RBM33: variants seen among roughly 807,000 people sequenced by gnomAD.
RBM33 encodes RNA binding motif protein 33.
A neutral mutation model predicts 132.6 loss-of-function variants in RBM33; 28 were observed. The observed-to-expected ratio is 0.21, with a 90% confidence interval of 0.16 to 0.29. The LOEUF is 0.29. Among genes scored for constraint, RBM33 ranks in the 10% least tolerant of loss-of-function variants. The probability of loss-of-function intolerance (pLI) is 1.00; values close to 1 mark genes in which losing one functional copy is unlikely to be tolerated. For synonymous variants in RBM33, 634 were observed against 593.0 expected, an observed-to-expected ratio of 1.07 and a Z score of -1.01; for missense variants, 1,291 against 1,518.5, an observed-to-expected ratio of 0.85 and a Z score of 2.49.
intron 14 of RBM33, among the ~76,000 whole-genome samples, chr7:155,750,032 G>A (rs1714187339): frequency 1.3e-5 from 2 of 152,148 alleles, no homozygotes; most frequent in African/African-American, 2.4e-5. Context: ...TTACTGTCTG[G>A]ATTTGCTAGG....
At chr7:155,717,200 C>T (rs1038297022) in intron 8 of RBM33, among the ~76,000 whole-genome samples, 4 of 152,118 alleles carry the variant, frequency 2.6e-5, no homozygotes, top group Admixed American at 2.6e-4. Context: ...TAACAAGCAC[C>T]GCAAATAGGG....
At chr7:155,671,917 C>T (rs1263468919) in intron 2 of RBM33, among the ~76,000 whole-genome samples, 1 of 152,048 alleles carries the variant, frequency 6.6e-6, no homozygotes, top group African/African-American at 2.4e-5. Flanking sequence ...ATGTCTTCAG[C>T]TTTTTTATTT....
intron 9 of RBM33, among the ~76,000 whole-genome samples, chr7:155,720,578 A>G (rs529162247): frequency 6.6e-6 from 1 of 152,242 alleles, no homozygotes; most frequent in Non-Finnish European, 1.5e-5. Flanking sequence ...ACATTTAATG[A>G]GGATCTACTT....
At chr7:155,673,767 C>CACGT (rs1799065027) in intron 3 of RBM33, among the ~76,000 whole-genome samples, 1 of 116,420 alleles carries the variant, frequency 8.6e-6, no homozygotes, top group African/African-American at 3.4e-5. Flanking sequence ...CGCGCATGCG[C>CACGT]GCACACACAC....
intron 14 of RBM33, among the ~76,000 whole-genome samples, chr7:155,750,933 A>G (rs894206916): frequency 1.3e-5 from 2 of 152,142 alleles, no homozygotes; most frequent in African/African-American, 4.8e-5. Flanking sequence ...CAGCTGTCCA[A>G]TTGTGATGCT....
intron 6 of RBM33, among the ~76,000 whole-genome samples, chr7:155,706,027 C>G (rs967411303): frequency 2.6e-5 from 4 of 152,156 alleles, no homozygotes; most frequent in Admixed American, 2.6e-4. Context: ...ACCTTGACTT[C>G]GGAATGAGTT....
At chr7:155,729,766 G>T (rs910394473) in intron 9 of RBM33, among the ~76,000 whole-genome samples, 1 of 150,362 alleles carries the variant, frequency 6.7e-6, no homozygotes, top group African/African-American at 2.4e-5. Flanking sequence ...AAAAAATTCT[G>T]TCATACATGT....
rs189648972 is a variant in RBM33 at position 155,714,937 on chromosome 7, C to T, written c.1202-3448C>T. Among the ~76,000 whole-genome samples, 19 of 151,776 alleles carry T rather than the reference C, an allele frequency of 1.3e-4. No homozygotes were observed. In the East Asian group the frequency reaches 3.3e-3, roughly 26 times the overall value. ...TGGCCCAGAGTGTAAGGGAGGGGGG[C>T]GCCTCTTGACAGTGTCTGCGGGTCA... On this transcript the variant is annotated intron_variant, in intron 8 of 17. Transcript: ENST00000401878.
intron 3 of RBM33, among the ~76,000 whole-genome samples, chr7:155,673,940 G>GTTGTTTTTTGTTTTTGT: frequency 2.4e-4 from 13 of 54,214 alleles, no homozygotes; most frequent in South Asian, 7.1e-4. Context: ...TTTAGGCTTA[G>GTTGTTTTTTGTTTTTGT]TTTTTTTTTT....
intron 1 of RBM33, among the ~76,000 whole-genome samples, chr7:155,661,144 A>ATT (rs1276158233): frequency 0.02 from 832 of 40,724 alleles, 45 homozygotes; most frequent in Middle Eastern, 0.045. Context: ...ATATATATAT[A>ATT]TATTTTTTTT....
At chr7:155,701,378 T>C in intron 6 of RBM33, 1 of 187,198 alleles carries the variant, frequency 5.3e-6, no homozygotes, top group Non-Finnish European at 1.1e-5. Flanking sequence ...CTATATCTTT[T>C]TTTGTGTTTT....
intron 3 of RBM33, among the ~76,000 whole-genome samples, chr7:155,677,892 A>G (rs568558872): frequency 2.0e-5 from 3 of 152,302 alleles, no homozygotes; most frequent in African/African-American, 7.2e-5. Context: ...TATACCATTT[A>G]TACATATAAG....
At chr7:155,758,487 C>T (rs1801922741) in intron 14 of RBM33, among the ~76,000 whole-genome samples, 2 of 152,156 alleles carry the variant, frequency 1.3e-5, no homozygotes. Flanking sequence ...GATTCATGCT[C>T]CCGTGAGAAT....
At position 155,779,588 on chromosome 7, in the gene RBM33, A is replaced by T. The variant is rs1346670013; in HGVS notation, c.*4547A>T. 2.0e-5 allele frequency: 3 copies of T among 152,316 alleles called. No homozygotes were observed. The highest frequency in any genetic ancestry group is 3.9e-4 in the East Asian group (2 of 5,188). The allele number at this position is 152,316 out of a possible 1,614,324, so 9.4% of individuals were successfully genotyped here. ...TTTTGCAACCTATTTAATTTTTTTT[A>T]AATGCCTAACTTCTGAGGTGCATAA... is the stretch of plus-strand genomic sequence containing the variant. On this transcript the variant is annotated 3_prime_UTR_variant, in exon 18 of 18. Coordinates refer to ENST00000401878, the MANE Select transcript of RBM33 (RefSeq NM_053043.3).
At chr7:155,673,434 GTGTGTGTA>G (rs747656741) in intron 3 of RBM33, among the ~76,000 whole-genome samples, 138 of 147,170 alleles carry the variant, frequency 9.4e-4, no homozygotes, top group Non-Finnish European at 1.7e-3. Context: ...GTGTGTGTGT[GTGTGTGTA>G]TGTGTATATA....
intron 14 of RBM33, among the ~76,000 whole-genome samples, chr7:155,756,235 TTAAC>T (rs1316643130): frequency 6.6e-6 from 1 of 152,234 alleles, no homozygotes; most frequent in Non-Finnish European, 1.5e-5. Context: ...TAAAATTTAC[TTAAC>T]TAAGTACTAG....
rs763872629 is a variant in RBM33, at chr7:155,764,062, C to T, written c.3186+44C>T. 1.6e-5 allele frequency: 23 copies of T among 1,424,862 alleles called. No homozygotes were observed. In the South Asian group the frequency reaches 2.0e-4, roughly 12 times the overall value. The allele number at this position is 1,424,862 out of a possible 1,614,324, so 88.3% of individuals were successfully genotyped here. On this transcript the variant is annotated intron_variant, in intron 15 of 17. Transcript: ENST00000401878. ...CACGCAGCCCTGGAAACGCGAAGGC[C>T]GGTGTGAGGCAGTGTTCAGACGTGC...
intron 16 of RBM33, among the ~76,000 whole-genome samples, chr7:155,770,449 G>A (rs1239712734): frequency 2.0e-5 from 3 of 152,146 alleles, no homozygotes; most frequent in Non-Finnish European, 4.4e-5. Flanking sequence ...AGGGGCTCTC[G>A]GCCCTTCCTG....
At chr7:155,664,324 G>A (rs1798739230) in intron 1 of RBM33, among the ~76,000 whole-genome samples, 1 of 151,724 alleles carries the variant, frequency 6.6e-6, no homozygotes. Flanking sequence ...CGCGATCTCC[G>A]CTCACTGCAG....
Sources: gnomAD v4.1 joint callset for allele counts (sites outside exome capture counted in the v4.1 genomes callset) on GRCh38, gnomAD v4.1.1 for gene constraint, MANE v1.5 for transcripts, NCBI Gene and HGNC (gene_info 2026-07-23, HGNC 2026-07-21) for gene names.